The following SEZ6L variants were observed in gnomAD, a reference collection of about 807,000 sequenced individuals.
SEZ6L encodes the protein seizure related 6 homolog like.
In SEZ6L, 37 loss-of-function variants were observed where a neutral mutation model predicts 106.2. That is an observed-to-expected ratio of 0.35 (90% CI 0.27 to 0.46). The LOEUF is 0.46. Ranked by LOEUF, SEZ6L falls within the 20% of genes least tolerant of loss-of-function variation. The pLI, the probability that SEZ6L is intolerant of heterozygous loss-of-function variation, is 1.00. For synonymous variants in SEZ6L, 541 were observed against 570.4 expected (o/e 0.95, Z 0.73); for missense variants, 1,172 against 1,332.8 (o/e 0.88, Z 1.88).
At chr22:26,227,864 TC>T (rs1189070232) in intron 1 of SEZ6L, among the ~76,000 whole-genome samples, 2 of 152,192 alleles carry the variant, frequency 1.3e-5, no homozygotes. Flanking sequence ...ACTGGGCTGC[TC>T]ACTTAGTGAT....
At chr22:26,301,104 C>T (rs2145902385) in intron 5 of SEZ6L, among the ~76,000 whole-genome samples, 1 of 152,296 alleles carries the variant, frequency 6.6e-6, no homozygotes, top group East Asian at 1.9e-4. Context: ...AGGATGGGAG[C>T]CATTATCCCC....
At chr22:26,335,694 A>T (rs752471992) in intron 9 of SEZ6L, among the ~76,000 whole-genome samples, 1 of 152,180 alleles carries the variant, frequency 6.6e-6, no homozygotes, top group Non-Finnish European at 1.5e-5. Context: ...AACATAGATC[A>T]TATCCCTACT....
At chr22:26,186,840 C>G (rs1383158981) in intron 1 of SEZ6L, among the ~76,000 whole-genome samples, 1 of 152,106 alleles carries the variant, frequency 6.6e-6, no homozygotes. Context: ...GGAGGACTTG[C>G]TGAGAGGTGT....
chr22:26,314,157 A>C (rs1407485552), intron 9 of SEZ6L, among the ~76,000 whole-genome samples: 1 of 152,160 alleles, frequency 6.6e-6, no homozygotes, highest in African/African-American at 2.4e-5. Flanking sequence ...AGCCTAGGAA[A>C]CAAATATGAA....
At chr22:26,273,408 C>T (rs1368647664) in intron 1 of SEZ6L, among the ~76,000 whole-genome samples, 2 of 152,264 alleles carry the variant, frequency 1.3e-5, no homozygotes, top group African/African-American at 4.8e-5. Context: ...CCCCAAGCCC[C>T]AAACCCAGCA....
intron 5 of SEZ6L, among the ~76,000 whole-genome samples, chr22:26,303,053 A>C (rs974717819): frequency 6.6e-6 from 1 of 152,220 alleles, no homozygotes; most frequent in South Asian, 2.1e-4. Flanking sequence ...AGGAGGGTGG[A>C]CTTATCACCA....
chr22:26,251,507 T>A (rs190343848), intron 1 of SEZ6L, among the ~76,000 whole-genome samples: 1 of 152,362 alleles, frequency 6.6e-6, no homozygotes, highest in African/African-American at 2.4e-5. Flanking sequence ...TCCCAGAAGC[T>A]ACTTCAGGGC....
intron 12 of SEZ6L, among the ~76,000 whole-genome samples, chr22:26,355,184 C>T (rs1360952451): frequency 1.3e-5 from 2 of 152,246 alleles, no homozygotes; most frequent in Admixed American, 6.5e-5. Flanking sequence ...ACACTCTTCA[C>T]CCTCACGGAA....
chr22:26,254,838 G>A (rs1261139559), intron 1 of SEZ6L, among the ~76,000 whole-genome samples: 1 of 152,094 alleles, frequency 6.6e-6, no homozygotes, highest in Non-Finnish European at 1.5e-5. Context: ...TAAGATAGTG[G>A]ACAGCTGCCA....
chr22:26,330,425 T>C (rs2082444602), intron 9 of SEZ6L, among the ~76,000 whole-genome samples: 1 of 152,196 alleles, frequency 6.6e-6, no homozygotes. Context: ...TAGCTAGTTA[T>C]TACATAGCTG....
chr22:26,347,579 C>A, intron 10 of SEZ6L, 140 bp from the exon 11 acceptor site: 2 of 617,798 alleles, frequency 3.2e-6, no homozygotes, highest in South Asian at 2.5e-5. Context: ...CGAGCTCTTG[C>A]CAGTTAAGCG....
chr22:26,206,462 A>T (rs1473742250), intron 1 of SEZ6L, among the ~76,000 whole-genome samples: 2 of 152,232 alleles, frequency 1.3e-5, no homozygotes, highest in African/African-American at 4.8e-5. Context: ...CAAAACTCCC[A>T]TGCAGTAGAT....
chr22:26,316,892 G>GAAGAAAGAAAGAA, intron 9 of SEZ6L, among the ~76,000 whole-genome samples: 1 of 103,770 alleles, frequency 9.6e-6, no homozygotes, highest in Admixed American at 1.0e-4. Context: ...AAGAAAGAAA[G>GAAGAAAGAAAGAA]AGAAAGAAAG....
In SEZ6L at chr22:26,297,096, G is replaced by A; in HGVS notation, c.1162+16G>A. On this transcript the variant is annotated intron_variant, in intron 4 of 16. Transcript: ENST00000248933. ...CACTACCAGGGTAGGGTCAGGCCAAGGCTGATGAAACATAGGCGTTTGCCT... is the reference window on the plus strand; with the variant it reads ...CACTACCAGGGTAGGGTCAGGCCAAAGCTGATGAAACATAGGCGTTTGCCT... 3 of 1,573,776 alleles carry A rather than the reference G, an allele frequency of 1.9e-6. No individual in the cohort carries two copies. The highest frequency in any genetic ancestry group is 1.7e-6 in the Non-Finnish European group (2 of 1,157,770).
At chr22:26,304,520 G>A (rs1000964462) in intron 5 of SEZ6L, among the ~76,000 whole-genome samples, 4 of 152,174 alleles carry the variant, frequency 2.6e-5, no homozygotes, top group African/African-American at 9.7e-5. Context: ...AAGAATTAGA[G>A]TAAAAATAAG....
chr22:26,271,019 G>T (rs2080347471), intron 1 of SEZ6L, among the ~76,000 whole-genome samples: 1 of 152,190 alleles, frequency 6.6e-6, no homozygotes, highest in African/African-American at 2.4e-5. Flanking sequence ...ATGAAGCGTG[G>T]CCAGTCGACC....
rs142891077 is a variant in SEZ6L, at chr22:26,320,625, C to T, written c.2015+6723C>T. Among the ~76,000 whole-genome samples, 700 of 152,288 alleles carry T rather than the reference C, an allele frequency of 4.6e-3. 13 individuals carry two copies. In the East Asian group the frequency reaches 0.059, roughly 13 times the overall value. On this transcript the variant is annotated intron_variant, in intron 9 of 16. Transcript: ENST00000248933. The stretch of plus-strand genomic sequence containing the variant: ...GAGCAAGACAGATGCAGCCCCGCCC[C>T]CGGGGAGCCATGTTGTAGGCTGATA...
chr22:26,296,474 C>T (rs1406496275), intron 3 of SEZ6L, among the ~76,000 whole-genome samples: 1 of 152,230 alleles, frequency 6.6e-6, no homozygotes, highest in African/African-American at 2.4e-5. Context: ...GCAGAGTATA[C>T]ATTCTGGTAG....
At chr22:26,294,151 G>A in intron 2 of SEZ6L, 141 bp from the exon 3 acceptor site, 2 of 711,642 alleles carry the variant, frequency 2.8e-6, no homozygotes, top group Admixed American at 2.4e-5. Context: ...GTCAATTCTG[G>A]AGCTGAGGAA....
Sources: allele counts gnomAD v4.1 joint callset (sites outside exome capture counted in the v4.1 genomes callset), GRCh38; gene constraint gnomAD v4.1.1; transcripts MANE v1.5; gene names NCBI Gene and HGNC (gene_info 2026-07-23, HGNC 2026-07-21).